Variants in LRP12 observed in about 807,000 individuals in gnomAD.
LRP12 encodes the protein LDL receptor related protein 12.
LRP12 carries 14 observed loss-of-function variants against 66.0 expected under a neutral mutation model. The observed-to-expected ratio is 0.21, with a 90% CI of 0.14 to 0.33. The LOEUF (loss-of-function observed/expected upper bound fraction) is 0.33, where lower values mean the gene tolerates loss of function less well. LRP12 is among the 10% of genes least tolerant of loss of function. LRP12 has a pLI of 1.00. For missense variants in LRP12, 889 were observed against 1,053.4 expected, an observed-to-expected ratio of 0.84 and a Z score of 2.16; for synonymous variants, 357 against 359.1, an observed-to-expected ratio of 0.99 and a Z score of 0.07.
chr8:104,582,105 A>C (rs1001640382), intron 1 of LRP12, among the ~76,000 whole-genome samples: 1 of 152,206 alleles, frequency 6.6e-6, no homozygotes, highest in Non-Finnish European at 1.5e-5. Context: ...TAAACATCCT[A>C]TTGTGCTCCA....
At chr8:104,543,428 G>T (rs573916315) in intron 1 of LRP12, among the ~76,000 whole-genome samples, 1 of 152,220 alleles carries the variant, frequency 6.6e-6, no homozygotes, top group African/African-American at 2.4e-5. Flanking sequence ...CATGAACTGT[G>T]CCTATAAAAG....
At chr8:104,574,411 C>G (rs922045902) in intron 1 of LRP12, among the ~76,000 whole-genome samples, 1 of 152,190 alleles carries the variant, frequency 6.6e-6, no homozygotes, top group Non-Finnish European at 1.5e-5. Flanking sequence ...TTATCTTATG[C>G]TAATATACCA....
chr8:104,521,852 A>G (rs796649304), intron 2 of LRP12, among the ~76,000 whole-genome samples: 65 of 152,082 alleles, frequency 4.3e-4, no homozygotes, highest in African/African-American at 1.5e-3. Context: ...CTTCTCAGTA[A>G]CTTTAACAAG....
chr8:104,548,173 T>TATA (rs1415721220), intron 1 of LRP12, among the ~76,000 whole-genome samples: 1 of 93,288 alleles, frequency 1.1e-5, no homozygotes, highest in African/African-American at 6.3e-5. Context: ...TTATATATAA[T>TATA]ATAATATATA....
intron 1 of LRP12, among the ~76,000 whole-genome samples, chr8:104,556,480 T>C (rs1337033311): frequency 6.6e-6 from 1 of 151,900 alleles, no homozygotes; most frequent in African/African-American, 2.4e-5. Flanking sequence ...ATCACAGAAA[T>C]ACAAAAGATC....
chr8:104,524,656 G>C (rs1277044129), intron 2 of LRP12, among the ~76,000 whole-genome samples: 1 of 152,030 alleles, frequency 6.6e-6, no homozygotes, highest in African/African-American at 2.4e-5. Context: ...TTATTTTTAA[G>C]GTATGTACAC....
At chr8:104,547,390 T>C (rs1203282389) in intron 1 of LRP12, among the ~76,000 whole-genome samples, 1 of 136,068 alleles carries the variant, frequency 7.3e-6, no homozygotes, top group African/African-American at 2.7e-5. Flanking sequence ...ATATTTTGTA[T>C]ATAATATACA....
chr8:104,548,059 GTATATAA>G (rs1298688085), intron 1 of LRP12, among the ~76,000 whole-genome samples: 1 of 114,410 alleles, frequency 8.7e-6, no homozygotes, highest in Non-Finnish European at 1.6e-5. Flanking sequence ...ATTATATTTT[GTATATAA>G]TATATAATTC....
At chr8:104,554,249 C>T (rs1305631273) in intron 1 of LRP12, among the ~76,000 whole-genome samples, 1 of 152,116 alleles carries the variant, frequency 6.6e-6, no homozygotes, top group Non-Finnish European at 1.5e-5. Flanking sequence ...CACTAGCTCA[C>T]CAGCAATGGA....
At chr8:104,567,133 C>T (rs1319048411) in intron 1 of LRP12, among the ~76,000 whole-genome samples, 3 of 151,944 alleles carry the variant, frequency 2.0e-5, no homozygotes, top group African/African-American at 2.4e-5. Context: ...GAGGTTTTGG[C>T]CAGGAGAATT....
intron 3 of LRP12, chr8:104,504,778 A>C (rs1810881179): frequency 2.6e-5 from 4 of 152,024 alleles, no homozygotes; most frequent in Admixed American, 2.6e-4. Flanking sequence ...TGTGTTAAAA[A>C]TCTCCCACTG....
At chr8:104,582,857 T>C (rs1390074684) in intron 1 of LRP12, among the ~76,000 whole-genome samples, 2 of 152,130 alleles carry the variant, frequency 1.3e-5, no homozygotes, top group Non-Finnish European at 1.5e-5. Flanking sequence ...CAACTTCTCA[T>C]TCCTCCTCTT....
chr8:104,490,648 A>G lies in LRP12; in HGVS notation c.*25T>C. Reference sequence around the variant, plus strand: ...AAATGGATATTGCTCCAACTTGTATACAATCTCCCTTATGTGATTCGTACC... The same window carrying G: ...AAATGGATATTGCTCCAACTTGTATGCAATCTCCCTTATGTGATTCGTACC... On this transcript the variant is annotated 3_prime_UTR_variant, in exon 7 of 7. Coordinates refer to ENST00000276654, the MANE Select transcript of LRP12 (RefSeq NM_013437.5). 1 of 1,560,214 alleles carries G rather than the reference A, an allele frequency of 6.4e-7. No homozygotes were observed. The highest frequency in any genetic ancestry group is 8.7e-7 in the Non-Finnish European group (1 of 1,155,978).
chr8:104,491,602 A>AAAC, intron 6 of LRP12, 63 bp from the exon 7 acceptor site: 1 of 1,310,094 alleles, frequency 7.6e-7, no homozygotes, highest in Non-Finnish European at 1.0e-6. Context: ...AAAAAAAAAA[A>AAAC]AAACACCCTT....
intron 2 of LRP12, among the ~76,000 whole-genome samples, chr8:104,524,147 T>TG: frequency 7.0e-6 from 1 of 143,780 alleles, no homozygotes. Flanking sequence ...GAGGCTGAGG[T>TG]GGGAGCATGG....
chr8:104,528,740 A>G (rs1162640231), intron 2 of LRP12, among the ~76,000 whole-genome samples: 1 of 151,616 alleles, frequency 6.6e-6, no homozygotes, highest in Non-Finnish European at 1.5e-5. Context: ...ACAACACTGT[A>G]CTCCAGCCTG....
At chr8:104,506,737 C>T (rs913769763) in intron 3 of LRP12, 1 of 152,010 alleles carries the variant, frequency 6.6e-6, no homozygotes, top group Non-Finnish European at 1.5e-5. Context: ...CCTCTCTTCC[C>T]CATGGATAAG....
chr8:104,536,984 T>G (rs1811400459), intron 1 of LRP12, among the ~76,000 whole-genome samples: 1 of 151,686 alleles, frequency 6.6e-6, no homozygotes. Flanking sequence ...AAAAAGCTCA[T>G]GGAACTGCTG....
chr8:104,551,318 T>C (rs1245610713), intron 1 of LRP12, among the ~76,000 whole-genome samples: 3 of 152,198 alleles, frequency 2.0e-5, no homozygotes, highest in Non-Finnish European at 2.9e-5. Context: ...TATTGAGTTA[T>C]AAGCATATTA....
Sources: gnomAD v4.1 joint callset for allele counts (sites outside exome capture counted in the v4.1 genomes callset) on GRCh38, gnomAD v4.1.1 for gene constraint, MANE v1.5 for transcripts, NCBI Gene and HGNC (gene_info 2026-07-23, HGNC 2026-07-21) for gene names.